Variants in AXL observed in about 807,000 individuals in gnomAD.
AXL encodes tyrosine-protein kinase receptor UFO.
AXL carries 52 observed loss-of-function variants against 104.5 expected under a neutral mutation model. The observed-to-expected ratio is 0.50, with a 90% CI of 0.40 to 0.63. The LOEUF is 0.63. Ranked by LOEUF, AXL falls within the 20% of genes least tolerant of loss-of-function variation. The pLI is 0.00. For missense variants in AXL, 1,024 were observed against 1,188.5 expected, an observed-to-expected ratio of 0.86 and a Z score of 2.04; for synonymous variants, 455 against 473.7, an observed-to-expected ratio of 0.96 and a Z score of 0.51.
At chr19:41,219,587 T>G in intron 1 of AXL, 110 bp downstream of exon 1, 1 of 1,268,702 alleles carries the variant, frequency 7.9e-7, no homozygotes, top group South Asian at 1.3e-5. Context: ...CTTAGGGAGT[T>G]TCCTTGGGAC....
At chr19:41,239,784 C>T (rs2034149371) in intron 10 of AXL, 64 bp downstream of exon 10, 2 of 1,578,746 alleles carry the variant, frequency 1.3e-6, no homozygotes, top group Admixed American at 3.3e-5. Context: ...GGCACTGTCA[C>T]CATGCATACT....
intron 4 of AXL, among the ~76,000 whole-genome samples, chr19:41,228,906 C>G (rs2033928184): frequency 6.6e-6 from 1 of 152,058 alleles, no homozygotes; most frequent in Non-Finnish European, 1.5e-5. Flanking sequence ...CTCCAATTAG[C>G]TCCAATTTTA....
intron 11 of AXL, 110 bp downstream of exon 11, chr19:41,243,125 G>A: frequency 1.3e-6 from 2 of 1,500,084 alleles, no homozygotes; most frequent in South Asian, 2.4e-5. Context: ...GAATCAGAAT[G>A]AGGGCAAGGG....
intron 12 of AXL, among the ~76,000 whole-genome samples, chr19:41,246,891 G>T (rs1002509419): frequency 2.6e-5 from 4 of 151,996 alleles, no homozygotes; most frequent in African/African-American, 9.7e-5. Context: ...TGATATATAT[G>T]TAACATAAAC....
chr19:41,259,297 A>C (rs1457131139), intron 19 of AXL, among the ~76,000 whole-genome samples: 1 of 152,174 alleles, frequency 6.6e-6, no homozygotes, highest in East Asian at 1.9e-4. Flanking sequence ...CTGTTCTAGC[A>C]AACCCTCATC....
At chr19:41,247,562 A>C (rs894166327) in intron 12 of AXL, among the ~76,000 whole-genome samples, 1 of 151,858 alleles carries the variant, frequency 6.6e-6, no homozygotes, top group Non-Finnish European at 1.5e-5. Context: ...TGCAGATTAT[A>C]CTTCAATAAA....
At position 41,220,324 on chromosome 19, in the gene AXL, G is replaced by GTCTC. The variant is rs1038927098; in HGVS notation, c.86-310_86-307dup. On this transcript the variant is annotated intron_variant, in intron 1 of 19. Transcript: ENST00000301178. ...CACCAGCACCAGCGCGACCTGTTAAGTCTCTAGAGACCTAAGAGAGGACGG... is the reference window on the plus strand; with the variant it reads ...CACCAGCACCAGCGCGACCTGTTAAGTCTCTCTCTAGAGACCTAAGAGAGGACGG... 3.9e-4 allele frequency: 112 copies of GTCTC among 287,976 alleles called. 1 individual carries two copies. The highest frequency in any genetic ancestry group is 6.0e-5 in the Non-Finnish European group (9 of 151,152). The allele number at this position is 287,976 out of a possible 1,614,324, so 17.8% of individuals were successfully genotyped here.
At chr19:41,225,690 G>A (rs950641112) in intron 4 of AXL, among the ~76,000 whole-genome samples, 3 of 152,236 alleles carry the variant, frequency 2.0e-5, no homozygotes, top group East Asian at 1.9e-4. Flanking sequence ...GTGTCAGCCC[G>A]CGTGTATATG....
intron 10 of AXL, among the ~76,000 whole-genome samples, chr19:41,241,863 A>G (rs994238506): frequency 3.9e-5 from 6 of 152,176 alleles, no homozygotes; most frequent in Non-Finnish European, 8.8e-5. Flanking sequence ...AAACAAAAAA[A>G]GAGACAAAGA....
chr19:41,252,500 G>A (rs1599741798), intron 15 of AXL, 57 bp downstream of exon 15: 2 of 1,560,602 alleles, frequency 1.3e-6, no homozygotes, highest in Non-Finnish European at 1.8e-6. Flanking sequence ...ATAGCAGAGG[G>A]AAGAGCCCTG....
chr19:41,248,917 T>C (rs2034316006), intron 14 of AXL, 97 bp downstream of exon 14: 1 of 1,300,380 alleles, frequency 7.7e-7, no homozygotes, highest in African/African-American at 1.5e-5. Flanking sequence ...GAACTTCTGG[T>C]GTTTCCAGAT....
In AXL at chr19:41,260,081, C is replaced by T. The variant is rs1294616144; in HGVS notation, c.*177C>T. On this transcript the variant is annotated 3_prime_UTR_variant, in exon 20 of 20. Transcript: ENST00000301178. ...CCCCTTCTCTGTGCAGTAGCATCAC[C>T]TTGAAAGCAGTAGCATCACCATCTG... The T allele has an allele frequency of 1.8e-6, 1 of 568,962 alleles. No individual in the cohort carries two copies. The highest frequency in any genetic ancestry group is 3.0e-6 in the Non-Finnish European group (1 of 330,010). 35.2% of individuals were successfully genotyped at this position (568,962 alleles called of 1,614,324 possible).
chr19:41,221,012 T>C (rs1211462593), intron 2 of AXL, 134 bp from the exon 3 acceptor site: 37 of 1,165,092 alleles, frequency 3.2e-5, no homozygotes, highest in Non-Finnish European at 4.0e-5. Flanking sequence ...TTCTGCAAAA[T>C]GAGTTAATAA....
chr19:41,258,208 G>A (rs760323960), intron 19 of AXL, among the ~76,000 whole-genome samples: 2 of 152,210 alleles, frequency 1.3e-5, no homozygotes, highest in Non-Finnish European at 2.9e-5. Flanking sequence ...GAGACAGCCT[G>A]GGGCGTCAGA....
chr19:41,220,983 T>C (rs938015689), intron 2 of AXL, 125 bp downstream of exon 2: 96 of 1,267,210 alleles, frequency 7.6e-5, no homozygotes, highest in Non-Finnish European at 1.0e-4. Context: ...TGATGGAACC[T>C]CTAGGTTTCG....
Position 41,261,077 on chromosome 19 carries a change from C to T in AXL, c.*1173C>T, listed in dbSNP as rs139571243. ...TTCCAAGAGTCTAAAGATGGAGTTT[C>T]TAAGGTCCGGTGTTCTAAGATGTGA... On this transcript the variant is annotated 3_prime_UTR_variant, in exon 20 of 20. Coordinates refer to ENST00000301178, the MANE Select transcript of AXL (RefSeq NM_021913.5). 8.4e-4 allele frequency: 128 copies of T among 152,276 alleles called. No homozygotes were observed. Among genetic ancestry groups the T allele is most frequent in the African/African-American group, 3.0e-3 (126 of 41,546 alleles). The allele number at this position is 152,276 out of a possible 1,614,324, so 9.4% of individuals were successfully genotyped here.
chr19:41,228,203 T>TACCAAC (rs1286933858), intron 4 of AXL, among the ~76,000 whole-genome samples: 2 of 152,092 alleles, frequency 1.3e-5, no homozygotes, highest in East Asian at 1.9e-4. Context: ...ACGCTGGTCA[T>TACCAAC]ACCAACACCA....
At chr19:41,247,782 G>A (rs2034294957) in intron 12 of AXL, among the ~76,000 whole-genome samples, 2 of 151,934 alleles carry the variant, frequency 1.3e-5, no homozygotes, top group South Asian at 2.1e-4. Context: ...ACGGGGATTC[G>A]CCATGTTGCC....
intron 5 of AXL, 31 bp downstream of exon 5, chr19:41,231,078 G>A (rs766652458): frequency 3.8e-5 from 61 of 1,613,072 alleles, no homozygotes; most frequent in East Asian, 1.3e-4. Context: ...GGAGCTGGGC[G>A]TCAGAGGGTG....
Sources: gnomAD v4.1 joint callset for allele counts (sites outside exome capture counted in the v4.1 genomes callset) on GRCh38, gnomAD v4.1.1 for gene constraint, MANE v1.5 for transcripts, NCBI Gene and HGNC (gene_info 2026-07-23, HGNC 2026-07-21) for gene names.